C3orf20: variants seen among roughly 807,000 people sequenced by gnomAD.
C3orf20 encodes the protein family with sequence similarity 149 member C.
In C3orf20, 76 loss-of-function variants were observed where a neutral mutation model predicts 88.3. That is an observed-to-expected ratio of 0.86 (90% CI 0.72 to 1.04). C3orf20 has a LOEUF of 1.04. Ranked by LOEUF, C3orf20 falls within the 50% of genes least tolerant of loss-of-function variation. The probability of loss-of-function intolerance (pLI) is 0.00; values close to 1 mark genes in which losing one functional copy is unlikely to be tolerated. For missense variants in C3orf20, 1,056 were observed against 1,123.3 expected (o/e 0.94, Z 0.86); for synonymous variants, 436 against 437.4 (o/e 1.00, Z 0.04).
rs563519425 is a variant in C3orf20 at position 14,703,081 on chromosome 3, G to C, written c.746-49G>C. Reference sequence around the variant, plus strand: ...CAGGTGACACTGATGCAAAAGGTGGGTTCCCATGGTCTTGGGCATCTCTCT... The same window carrying C: ...CAGGTGACACTGATGCAAAAGGTGGCTTCCCATGGTCTTGGGCATCTCTCT... On this transcript the variant is annotated intron_variant, in intron 5 of 16. Coordinates refer to ENST00000253697, the MANE Select transcript of C3orf20 (RefSeq NM_032137.5). 1.3e-4 allele frequency: 212 copies of C among 1,604,476 alleles called. 5 individuals carry two copies. The South Asian group carries it at 2.2e-3, about 17-fold the overall frequency.
intron 5 of C3orf20, among the ~76,000 whole-genome samples, chr3:14,696,345 G>A (rs553166221): frequency 1.3e-5 from 2 of 148,236 alleles, no homozygotes; most frequent in East Asian, 3.9e-4. Flanking sequence ...CTTATTGTAC[G>A]ATATCTTGAA....
chr3:14,706,487 G>C (rs1168392310), intron 7 of C3orf20, among the ~76,000 whole-genome samples: 1 of 151,728 alleles, frequency 6.6e-6, no homozygotes, highest in Non-Finnish European at 1.5e-5. Flanking sequence ...CAGCACCCTA[G>C]CCTGCAGGAA....
At chr3:14,739,970 T>A (rs946546873) in intron 12 of C3orf20, among the ~76,000 whole-genome samples, 1 of 152,250 alleles carries the variant, frequency 6.6e-6, no homozygotes, top group Non-Finnish European at 1.5e-5. Context: ...TGATTTGCTT[T>A]TCTATGCAGA....
chr3:14,758,125 G>A, intron 13 of C3orf20, among the ~76,000 whole-genome samples: 1 of 152,128 alleles, frequency 6.6e-6, no homozygotes, highest in Non-Finnish European at 1.5e-5. Flanking sequence ...ATGCAAACCG[G>A]GCCCTAGAGG....
chr3:14,716,894 A>C (rs2033963189), intron 9 of C3orf20, among the ~76,000 whole-genome samples: 1 of 152,216 alleles, frequency 6.6e-6, no homozygotes, highest in African/African-American at 2.4e-5. Context: ...TGGTTTTCAC[A>C]AACATTTCTG....
At position 14,757,664 on chromosome 3, in the gene C3orf20, C is replaced by G; in HGVS notation, c.2234C>G (p.Pro745Arg). Residue 745 changes from proline to arginine, a missense_variant, in exon 13 of 17, where the codon CCC becomes CGC. By Grantham distance (103) the Pro-to-Arg change is moderately radical. Transcript: ENST00000253697. ...YNHQQRGRGS[P>R]CIQCRYDSYR... is the part of the protein sequence containing the mutation. ...CACCAGCAGCGGGGCCGTGGCTCCC[C>G]CTGCATCCAGGTTGGTCTGGGCCCA... 1 of 1,610,020 alleles carries G rather than the reference C, an allele frequency of 6.2e-7. No individual in the cohort carries two copies. Among genetic ancestry groups the G allele is most frequent in the Non-Finnish European group, 8.5e-7 (1 of 1,177,220 alleles).
chr3:14,750,748 A>G (rs1186586292), intron 12 of C3orf20, among the ~76,000 whole-genome samples: 1 of 152,166 alleles, frequency 6.6e-6, no homozygotes, highest in Non-Finnish European at 1.5e-5. Flanking sequence ...ATGTCTTTTG[A>G]TAATTTTATG....
chr3:14,707,119 G>A (rs1404844938), intron 7 of C3orf20, among the ~76,000 whole-genome samples: 1 of 151,704 alleles, frequency 6.6e-6, no homozygotes, highest in Non-Finnish European at 1.5e-5. Flanking sequence ...TGTGGTGGCG[G>A]GCGCCTGTAG....
At chr3:14,704,203 A>G in intron 6 of C3orf20, 134 bp from the exon 7 acceptor site, 1 of 875,374 alleles carries the variant, frequency 1.1e-6, no homozygotes. Flanking sequence ...ACGAGGGAGC[A>G]TGGGTTGGGG....
At chr3:14,740,832 T>A (rs2125008837) in intron 12 of C3orf20, among the ~76,000 whole-genome samples, 1 of 152,356 alleles carries the variant, frequency 6.6e-6, no homozygotes, top group East Asian at 1.9e-4. Flanking sequence ...ATTTTTCACT[T>A]TTAGAATTTC....
intron 12 of C3orf20, among the ~76,000 whole-genome samples, chr3:14,740,464 T>G (rs1245822923): frequency 6.6e-6 from 1 of 152,112 alleles, no homozygotes; most frequent in African/African-American, 2.4e-5. Context: ...CCATAAGAGA[T>G]ATAATAATAA....
At chr3:14,756,089 C>T (rs2035362816) in intron 12 of C3orf20, among the ~76,000 whole-genome samples, 1 of 149,924 alleles carries the variant, frequency 6.7e-6, no homozygotes, top group Non-Finnish European at 1.5e-5. Context: ...CTGCCTGTTG[C>T]ACAGAGTTGT....
At chr3:14,683,229 C>A in intron 3 of C3orf20, 32 bp downstream of exon 3, 1 of 1,535,290 alleles carries the variant, frequency 6.5e-7, no homozygotes, top group South Asian at 1.3e-5. Context: ...ATGTGCCCAC[C>A]ACACCCACTA....
Position 14,714,029 on chromosome 3 carries a change from G to T in C3orf20, c.1183G>T (p.Val395Leu). 1 of 1,614,092 alleles carries T rather than the reference G, an allele frequency of 6.2e-7. No individual in the cohort carries two copies. Among genetic ancestry groups the T allele is most frequent in the Non-Finnish European group, 8.5e-7 (1 of 1,180,014 alleles). ...CAGCTATCCCTCTGGAAACGTCGCT[G>T]TATGTCAGATCCCCACATGCTGCAG... is the stretch of plus-strand genomic sequence containing the variant. ...FVYYPSGNVA[V>L]CQIPTCCRGR... Residue 395 changes from valine (V) to leucine (L), a missense_variant, in exon 8 of 17, where the codon GTA (valine) becomes TTA (leucine). Physicochemically the swap from Val to Leu is conservative, Grantham distance 32. Transcript: ENST00000253697.
At chr3:14,771,403 G>A (rs947327659) in intron 15 of C3orf20, among the ~76,000 whole-genome samples, 1 of 152,244 alleles carries the variant, frequency 6.6e-6, no homozygotes, top group African/African-American at 2.4e-5. Flanking sequence ...TCACAGTTCT[G>A]GATGCCAGAA....
intron 9 of C3orf20, among the ~76,000 whole-genome samples, chr3:14,721,215 C>G (rs1215354832): frequency 2.0e-5 from 3 of 152,200 alleles, no homozygotes; most frequent in African/African-American, 7.2e-5. Flanking sequence ...TCCGGCGCTT[C>G]CTGCCAAGTG....
intron 14 of C3orf20, among the ~76,000 whole-genome samples, chr3:14,760,830 G>A (rs185614698): frequency 2.0e-5 from 3 of 151,972 alleles, no homozygotes; most frequent in Admixed American, 6.5e-5. Flanking sequence ...GGCTGGTCTC[G>A]AACTCCTGAC....
intron 7 of C3orf20, among the ~76,000 whole-genome samples, chr3:14,710,654 C>A (rs1196552177): frequency 6.6e-6 from 1 of 152,022 alleles, no homozygotes; most frequent in East Asian, 1.9e-4. Context: ...TCCCTATTTT[C>A]TTTTGTTAGT....
chr3:14,759,641 T>C (rs568920503), intron 13 of C3orf20, among the ~76,000 whole-genome samples: 2 of 152,154 alleles, frequency 1.3e-5, no homozygotes, highest in East Asian at 3.9e-4. Context: ...GGGAGTCACA[T>C]GTGGGGCAGC....
Sources: gnomAD v4.1 joint callset for allele counts (sites outside exome capture counted in the v4.1 genomes callset) on GRCh38, gnomAD v4.1.1 for gene constraint, MANE v1.5 for transcripts, NCBI Gene and HGNC (gene_info 2026-07-23, HGNC 2026-07-21) for gene names.